The following SLC35F4 variants were observed in gnomAD, a reference collection of about 807,000 sequenced individuals.
SLC35F4 encodes the protein solute carrier family 35 member F4, also known as chromosome 14 open reading frame 36.
SLC35F4 carries 24 observed loss-of-function variants against 44.2 expected under a neutral mutation model. That is an observed-to-expected ratio of 0.54 (90% CI 0.39 to 0.76). The LOEUF is 0.76. Ranked by LOEUF, SLC35F4 falls within the 30% of genes least tolerant of loss-of-function variation. SLC35F4 has a pLI of 0.00. For missense variants in SLC35F4, 562 were observed against 586.1 expected (o/e 0.96, Z 0.42); for synonymous variants, 238 against 223.6 (o/e 1.06, Z -0.57).
chr14:57,639,705 C>A (rs529307503), intron 1 of SLC35F4, among the ~76,000 whole-genome samples: 6 of 151,968 alleles, frequency 3.9e-5, no homozygotes, highest in South Asian at 2.1e-4. Context: ...CCACTTTATC[C>A]CATAAATGAC....
chr14:57,565,374 C>A (rs1017014328), intron 7 of SLC35F4, among the ~76,000 whole-genome samples: 1 of 152,220 alleles, frequency 6.6e-6, no homozygotes, highest in African/African-American at 2.4e-5. Context: ...TTGCAGGAAG[C>A]CTTTTGGATG....
rs36099939 is a variant in SLC35F4 at position 57,902,563 on chromosome 14, CAA to C, written n.282+79348_282+79349del. Among the ~76,000 whole-genome samples the C allele has an allele frequency of 2.6e-3, 333 of 127,996 alleles. 2 individuals are homozygous for C. The highest frequency in any genetic ancestry group is 7.7e-3 in the African/African-American group (276 of 35,978). 84.0% of individuals were successfully genotyped at this position (127,996 alleles called of 152,430 possible). A position where few individuals can be genotyped will look rare whatever the true frequency, so the allele number is the denominator to read the frequency against. On this transcript the variant is annotated intron_variant and non_coding_transcript_variant, in intron 1 of 1. Coordinates refer to the SLC35F4 transcript ENST00000556568. ...GGGCAACAAGAGCGAAACTCAGTCT[CAA>C]AAAAAAAAAAAAGAAGAAGAAGAAG...
chr14:57,922,984 G>A (rs773741139), intron 1 of SLC35F4, among the ~76,000 whole-genome samples: 1 of 152,188 alleles, frequency 6.6e-6, no homozygotes, highest in African/African-American at 2.4e-5. Flanking sequence ...CCTACTAAGA[G>A]GCAAAAGCCT....
intron 1 of SLC35F4, among the ~76,000 whole-genome samples, chr14:57,831,854 T>C (rs959956800): frequency 2.6e-5 from 4 of 152,216 alleles, no homozygotes; most frequent in African/African-American, 4.8e-5. Flanking sequence ...TGTGATTGAA[T>C]TTATTTTTCC....
At chr14:57,570,939 C>CA (rs1247776403) in intron 5 of SLC35F4, among the ~76,000 whole-genome samples, 5 of 152,012 alleles carry the variant, frequency 3.3e-5, no homozygotes, top group African/African-American at 1.2e-4. Context: ...AGTTGGGGAG[C>CA]AAGTTAGACA....
At chr14:57,937,637 AAAG>A (rs1330802097) in intron 1 of SLC35F4, among the ~76,000 whole-genome samples, 3 of 134,328 alleles carry the variant, frequency 2.2e-5, no homozygotes, top group Admixed American at 1.5e-4. Context: ...AAAGAAAAGA[AAAG>A]AAAAGAAAAG....
chr14:57,712,918 G>A (rs954969948), intron 1 of SLC35F4, among the ~76,000 whole-genome samples: 1 of 152,120 alleles, frequency 6.6e-6, no homozygotes, highest in African/African-American at 2.4e-5. Context: ...AGGAGTTTCA[G>A]TACCCGATTG....
At chr14:57,953,922 C>T (rs1260834742) in intron 1 of SLC35F4, among the ~76,000 whole-genome samples, 13 of 152,134 alleles carry the variant, frequency 8.5e-5, no homozygotes, top group South Asian at 6.2e-4. Flanking sequence ...CTGGACAAAG[C>T]GGACCTAATA....
At chr14:57,888,952 C>T (rs1287829951) in intron 1 of SLC35F4, among the ~76,000 whole-genome samples, 1 of 152,124 alleles carries the variant, frequency 6.6e-6, no homozygotes, top group South Asian at 2.1e-4. Flanking sequence ...AGAATAATAA[C>T]TCAGTATATG....
intron 1 of SLC35F4, among the ~76,000 whole-genome samples, chr14:57,937,272 C>T (rs111736498): frequency 1.6e-4 from 25 of 152,094 alleles, no homozygotes; most frequent in Non-Finnish European, 3.1e-4. Flanking sequence ...TTCTCAATGT[C>T]GGTCAGGCTG....
chr14:57,826,042 G>A (rs1883721808), intron 1 of SLC35F4, among the ~76,000 whole-genome samples: 1 of 152,082 alleles, frequency 6.6e-6, no homozygotes, highest in African/African-American at 2.4e-5. Flanking sequence ...CCAAAAATGA[G>A]CCCATATAGC....
At chr14:57,829,085 T>C (rs914849093) in intron 1 of SLC35F4, among the ~76,000 whole-genome samples, 1 of 152,220 alleles carries the variant, frequency 6.6e-6, no homozygotes, top group Non-Finnish European at 1.5e-5. Flanking sequence ...ATTGCAGTTT[T>C]ATTGAATCAG....
At chr14:57,841,283 G>T (rs72713093) in intron 1 of SLC35F4, among the ~76,000 whole-genome samples, 1 of 152,142 alleles carries the variant, frequency 6.6e-6, no homozygotes, top group Admixed American at 6.6e-5. Flanking sequence ...AGAAAATCTC[G>T]TAGTAGGTAG....
At chr14:57,861,236 G>T (rs1663477298) in intron 1 of SLC35F4, among the ~76,000 whole-genome samples, 1 of 152,042 alleles carries the variant, frequency 6.6e-6, no homozygotes. Flanking sequence ...ACTTGGAGAA[G>T]ACTGCAGCAA....
At chr14:57,878,806 T>A (rs1272362394) in intron 1 of SLC35F4, among the ~76,000 whole-genome samples, 1 of 152,182 alleles carries the variant, frequency 6.6e-6, no homozygotes, top group Non-Finnish European at 1.5e-5. Flanking sequence ...ACTTCATAGA[T>A]ATTTCCAAAA....
intron 1 of SLC35F4, among the ~76,000 whole-genome samples, chr14:57,626,940 G>A (rs1049728082): frequency 2.6e-5 from 4 of 152,076 alleles, no homozygotes; most frequent in Non-Finnish European, 5.9e-5. Context: ...AAAATCTGAG[G>A]TTTTATTTAC....
intron 1 of SLC35F4, among the ~76,000 whole-genome samples, chr14:57,790,690 C>T (rs950573717): frequency 1.3e-5 from 2 of 152,026 alleles, no homozygotes; most frequent in Non-Finnish European, 2.9e-5. Context: ...CAATCCTAAG[C>T]GAAAAGAACA....
chr14:57,723,135 C>T (rs1023502284), intron 1 of SLC35F4, among the ~76,000 whole-genome samples: 5 of 152,120 alleles, frequency 3.3e-5, no homozygotes, highest in African/African-American at 1.2e-4. Context: ...AAAGTAGGGG[C>T]TTATGGAGGT....
At chr14:57,865,106 A>G (rs1469822542) in intron 1 of SLC35F4, among the ~76,000 whole-genome samples, 3 of 137,646 alleles carry the variant, frequency 2.2e-5, no homozygotes, top group East Asian at 5.0e-4. Context: ...TCTGGCTCCA[A>G]GCTCTGGGGC....
Sources: allele counts gnomAD v4.1 joint callset (sites outside exome capture counted in the v4.1 genomes callset), GRCh38; gene constraint gnomAD v4.1.1; transcripts MANE v1.5; gene names NCBI Gene and HGNC (gene_info 2026-07-23, HGNC 2026-07-21).